TCOF1: variants seen among roughly 807,000 people sequenced by gnomAD.
TCOF1 encodes the protein treacle protein.
In TCOF1, 33 loss-of-function variants were observed where a neutral mutation model predicts 149.0. The ratio of observed to expected loss-of-function variants is 0.22; its 90% CI spans 0.17 to 0.30. The LOEUF (loss-of-function observed/expected upper bound fraction) is 0.30. Among genes scored for constraint, TCOF1 ranks in the 10% least tolerant of loss-of-function variants. The pLI, the probability that TCOF1 is intolerant of heterozygous loss-of-function variation, is 1.00. For missense variants in TCOF1, 1,728 were observed against 1,840.7 expected (o/e 0.94, Z 1.12); for synonymous variants, 789 against 738.8 (o/e 1.07, Z -1.10).
chr5:150,366,387 A>G (rs1250076410), intron 3 of TCOF1, among the ~76,000 whole-genome samples: 1 of 152,174 alleles, frequency 6.6e-6, no homozygotes, highest in Non-Finnish European at 1.5e-5. Flanking sequence ...TTGAGAGAGA[A>G]ACATGCTGAA....
Position 150,374,195 on chromosome 5 carries a change from C to A in TCOF1, c.892C>A (p.Leu298Ile), listed in dbSNP as rs770629396. 5 of 1,612,506 alleles carry A rather than the reference C, an allele frequency of 3.1e-6. No individual in the cohort carries two copies. The South Asian group carries it at 4.4e-5, about 14-fold the overall frequency. ...CCAGGTAAAGGCCTCTGAAAAAATT[C>A]TCCAGGTCAGAGCTGCCTCAGCCCC... ...RSQVKASEKI[L>I]QVRAASAPAK... The change falls in exon 8 of 27, where the codon CTC becomes ATC. Residue 298 changes from leucine (L) to isoleucine (I), a missense_variant. Physicochemically the swap from Leu to Ile is conservative, Grantham distance 5. Around this residue, in one of 2 missense-constraint regions of TCOF1, gnomAD observed 1,696 missense variants for 1,765.4 expected, o/e 0.96. Transcript: ENST00000643257.
rs753894369 is a variant in TCOF1 at position 150,367,878 on chromosome 5, G to C, written c.339G>C (p.Leu113=). The change falls in exon 4 of 27, where the codon CTG becomes CTC. Residue 113 remains leucine, a synonymous_variant. Transcript: ENST00000643257. ...TAGCATCTACCAACTCCTCAGTCCT[G>C]GGGGCGGACTTGCCATCAAGCATGA... ...PRLASTNSSV[L]GADLPSSMKE... is the part of the protein sequence containing the mutation. 1 of 1,614,162 alleles carries C rather than the reference G, an allele frequency of 6.2e-7. No homozygotes were observed. Among genetic ancestry groups the C allele is most frequent in the Non-Finnish European group, 8.5e-7 (1 of 1,180,008 alleles).
chr5:150,379,416 G>A lies in TCOF1; in HGVS notation c.2658+8G>A. 6.2e-7 allele frequency: 1 copy of A among 1,613,832 alleles called. No individual in the cohort carries two copies. Among genetic ancestry groups the A allele is most frequent in the African/African-American group, 1.3e-5 (1 of 74,948 alleles). On this transcript the variant is annotated splice_region_variant and intron_variant, in intron 16 of 26. Transcript: ENST00000643257. ...GCGGAGACGCTGGCTCAGGTGAGGG[G>A]GAGGGAATGGAGATCATCCCCTACA...
chr5:150,377,009 C>T (rs942621249), intron 14 of TCOF1, among the ~76,000 whole-genome samples: 15 of 152,176 alleles, frequency 9.9e-5, no homozygotes, highest in African/African-American at 3.1e-4. Flanking sequence ...GCCTGGGCTG[C>T]GCAGCATGAC....
chr5:150,359,771 G>C (rs1759602336), intron 1 of TCOF1, among the ~76,000 whole-genome samples: 1 of 152,198 alleles, frequency 6.6e-6, no homozygotes, highest in South Asian at 2.1e-4. Context: ...GCAGACAGGT[G>C]ACAAATAGAA....
intron 17 of TCOF1, among the ~76,000 whole-genome samples, chr5:150,386,589 A>G (rs1304393625): frequency 3.3e-5 from 5 of 151,392 alleles, no homozygotes; most frequent in South Asian, 2.1e-4. Flanking sequence ...AGTCAGGCTC[A>G]GGGGGTAAAC....
In TCOF1 at chr5:150,374,231, ACCCCTGGGAAAGGGGCTACCCCAGCAC is replaced by A. The variant is rs1183376875; in HGVS notation, c.939_965del (p.Gly314_Lys322del). The A allele has an allele frequency of 1.9e-6, 3 of 1,610,172 alleles. No homozygotes were observed. Among genetic ancestry groups the A allele is most frequent in the Non-Finnish European group, 2.5e-6 (3 of 1,178,504 alleles). ...AGCTGCCTCAGCCCCTGCCAAGGGG[ACCCCTGGGAAAGGGGCTACCCCAGCAC>A]CCCCTGGGAAGGCAGGGGCTGTAGC... On this transcript the variant is annotated inframe_deletion, in exon 8 of 27. Coordinates refer to ENST00000643257, the MANE Select transcript of TCOF1 (RefSeq NM_001371623.1).
intron 23 of TCOF1, 97 bp from the exon 24 acceptor site, chr5:150,396,185 A>G: frequency 1.4e-6 from 2 of 1,382,632 alleles, no homozygotes; most frequent in Non-Finnish European, 2.1e-6. Context: ...TTGTAAGAAA[A>G]GATGGAGTCA....
rs182621149 is a variant in TCOF1 at position 150,383,135 on chromosome 5, C to A, written c.2859+3403C>A. On this transcript the variant is annotated intron_variant, in intron 17 of 26. Transcript: ENST00000643257. Reference sequence around the variant, plus strand: ...CCCCCAGAGAGGAACACGGAGGGGTCCTCGGAGAGCAGTGAGGAAGAGCTG... The same window carrying A: ...CCCCCAGAGAGGAACACGGAGGGGTACTCGGAGAGCAGTGAGGAAGAGCTG... 3.5e-4 allele frequency: 532 copies of A among 1,536,074 alleles called. 7 individuals are homozygous for A. The Admixed American group carries it at 0.01, about 29-fold the overall frequency.
Position 150,384,741 on chromosome 5 carries a change from G to A in TCOF1, c.2860-3161G>A, listed in dbSNP as rs568094455. The A allele has an allele frequency of 9.1e-6, 9 of 985,510 alleles. No individual in the cohort carries two copies. The South Asian group carries it at 1.4e-4, about 15-fold the overall frequency. 61.0% of individuals were successfully genotyped at this position (985,510 alleles called of 1,614,324 possible). A position where few individuals can be genotyped will look rare whatever the true frequency, so the allele number is the denominator to read the frequency against. On this transcript the variant is annotated intron_variant, in intron 17 of 26. Transcript: ENST00000643257. ...TCCCCCAGGAGGATTCGGGGAAGAC[G>A]GGCATAGCCCGGGGAAGCTGCAGCC...
intron 16 of TCOF1, 38 bp downstream of exon 16, chr5:150,379,446 A>G (rs751103259): frequency 6.2e-7 from 1 of 1,613,990 alleles, no homozygotes; most frequent in Admixed American, 1.7e-5. Context: ...CCTACATGGG[A>G]TGTAACACCT....
rs1302370715 is a variant in TCOF1, at chr5:150,396,789, G to A, written c.4292G>A (p.Gly1431Asp). Residue 1431 changes from glycine (G) to aspartate (D), a missense_variant, in exon 24 of 27, where the codon GGT becomes GAT. Around this residue, in one of 2 missense-constraint regions of TCOF1, gnomAD observed 1,696 missense variants for 1,765.4 expected, o/e 0.96. Coordinates refer to ENST00000643257, the MANE Select transcript of TCOF1 (RefSeq NM_001371623.1). ...CAGAAGGGGATGGGGACGGTTGAAG[G>A]TGGAGATCAAAGCAACCCAAAGAGC... ...ELQKGMGTVE[G>D]GDQSNPKSKK... The A allele has an allele frequency of 6.2e-7, 1 of 1,611,142 alleles. No individual in the cohort carries two copies. The highest frequency in any genetic ancestry group is 8.5e-7 in the Non-Finnish European group (1 of 1,179,146).
Position 150,364,212 on chromosome 5 carries a change from G to T in TCOF1, c.264G>T (p.Ser88=). 6.2e-7 allele frequency: 1 copy of T among 1,614,156 alleles called. No individual in the cohort carries two copies. The highest frequency in any genetic ancestry group is 1.1e-5 in the South Asian group (1 of 91,078). Residue 88 remains serine (S), a synonymous_variant, in exon 3 of 27, where the codon TCG becomes TCT. Coordinates refer to ENST00000643257, the MANE Select transcript of TCOF1 (RefSeq NM_001371623.1). ...ACCCCATCAGCACCTCGGAGAGCTC[G>T]GAAGAGGAGGAAGAAGCAGAAGCCG... ...VSDPISTSES[S]EEEEEAEAET...
At position 150,379,831 on chromosome 5, in the gene TCOF1, G is replaced by A. The variant is rs549689103; in HGVS notation, c.2859+99G>A. The stretch of plus-strand genomic sequence containing the variant: ...TCACACCTGTAATCCTAGCACTTTG[G>A]GAGGCCGAGGCAGATGTATCACTTG... On this transcript the variant is annotated intron_variant, in intron 17 of 26. Coordinates refer to ENST00000643257, the MANE Select transcript of TCOF1 (RefSeq NM_001371623.1). The A allele has an allele frequency of 1.1e-4, 162 of 1,447,082 alleles. 1 individual carries two copies. The South Asian group carries it at 1.9e-3, about 17-fold the overall frequency. The allele number at this position is 1,447,082 out of a possible 1,614,324, so 89.6% of individuals were successfully genotyped here.
intron 17 of TCOF1, chr5:150,380,086 G>GA (rs878900348): frequency 2.8e-5 from 7 of 246,532 alleles, no homozygotes; most frequent in Admixed American, 5.1e-5. Flanking sequence ...AAAAAAAAAA[G>GA]AAAAAAAAGA....
At position 150,375,496 on chromosome 5, in the gene TCOF1, G is replaced by A; in HGVS notation, c.1646G>A (p.Ser549Asn). The A allele has an allele frequency of 6.2e-7, 1 of 1,614,216 alleles. No individual in the cohort carries two copies. Among genetic ancestry groups the A allele is most frequent in the Non-Finnish European group, 8.5e-7 (1 of 1,180,020 alleles). ...TGGGAGGAGGACTCAGAGAGCAGTA[G>A]TGAGGAGTCATCAGACAGCAGTGAT... ...GKWEEDSESS[S>N]EESSDSSDGE... is the part of the protein sequence containing the mutation. Residue 549 changes from serine to asparagine, a missense_variant, in exon 11 of 27, where the codon AGT becomes AAT. Coordinates refer to ENST00000643257, the MANE Select transcript of TCOF1 (RefSeq NM_001371623.1).
At chr5:150,363,104 C>T (rs898595212) in intron 2 of TCOF1, among the ~76,000 whole-genome samples, 2 of 152,142 alleles carry the variant, frequency 1.3e-5, no homozygotes, top group African/African-American at 4.8e-5. Context: ...GTTGGAGGCT[C>T]CCCGACTTCC....
At chr5:150,360,732 C>CT (rs869238792) in intron 1 of TCOF1, among the ~76,000 whole-genome samples, 31,311 of 127,348 alleles carry the variant, frequency 0.25, 4,088 homozygotes, top group Non-Finnish European at 0.32. Flanking sequence ...AAAAGACCCT[C>CT]TTTTTTTTTT....
chr5:150,391,470 C>T lies in TCOF1; in HGVS notation c.3184-74C>T, dbSNP rs1465392568. 7 of 1,309,828 alleles carry T rather than the reference C, an allele frequency of 5.3e-6. No individual in the cohort carries two copies. In the African/African-American group the frequency reaches 8.7e-5, roughly 16 times the overall value. The allele number at this position is 1,309,828 out of a possible 1,614,324, so 81.1% of individuals were successfully genotyped here. A position where few individuals can be genotyped will look rare whatever the true frequency, so the allele number is the denominator to read the frequency against. ...TCCAGCCCTCACCCCAGCCAGACAGCATCTGACCAGGGTGTGGCACAGCTG... is the reference window on the plus strand; with the variant it reads ...TCCAGCCCTCACCCCAGCCAGACAGTATCTGACCAGGGTGTGGCACAGCTG... On this transcript the variant is annotated intron_variant, in intron 19 of 26. Coordinates refer to ENST00000643257, the MANE Select transcript of TCOF1 (RefSeq NM_001371623.1).
Sources: gnomAD v4.1 joint callset for allele counts (sites outside exome capture counted in the v4.1 genomes callset) on GRCh38, gnomAD v4.1.1 for gene constraint, gnomAD v4.1.1 regional missense constraint, MANE v1.5 for transcripts, NCBI Gene and HGNC (gene_info 2026-07-23, HGNC 2026-07-21) for gene names.